PCDHA1: variants seen among roughly 807,000 people sequenced by gnomAD.
The protein encoded by PCDHA1 is protocadherin alpha-1.
PCDHA1 carries 42 observed loss-of-function variants against 61.3 expected under a neutral mutation model. The observed-to-expected ratio is 0.69, with a 90% CI of 0.54 to 0.89. The LOEUF (loss-of-function observed/expected upper bound fraction) is 0.89. PCDHA1 is among the 40% of genes least tolerant of loss of function. PCDHA1 has a pLI of 0.00. For synonymous variants in PCDHA1, 610 were observed against 553.8 expected, an observed-to-expected ratio of 1.10 and a Z score of -1.43; for missense variants, 1,256 against 1,235.3, an observed-to-expected ratio of 1.02 and a Z score of -0.25.
chr5:140,871,176 G>A (rs782559553), intron 1 of PCDHA1: 12 of 1,613,416 alleles, frequency 7.4e-6, no homozygotes, highest in Non-Finnish European at 1.0e-5. Flanking sequence ...CAGAGGCTGC[G>A]CTGGTGGATG....
Position 140,961,453 on chromosome 5 carries a change from C to A in PCDHA1, c.2395-17496C>A, listed in dbSNP as rs138800149. On this transcript the variant is annotated intron_variant, in intron 1 of 3. Transcript: ENST00000504120. ...AAAATCACCTAACTACACTGTCTTG[C>A]AGCTGCCTTTCTTTTTTTGTCTTGT... Among the ~76,000 whole-genome samples the A allele has an allele frequency of 2.6e-3, 401 of 152,318 alleles. 1 individual carries two copies. The highest frequency in any genetic ancestry group is 9.2e-3 in the African/African-American group (384 of 41,574).
At chr5:140,802,700 G>A in intron 1 of PCDHA1, 2 of 1,612,564 alleles carry the variant, frequency 1.2e-6, no homozygotes, top group Admixed American at 3.3e-5. Context: ...GGGTGGGGGA[G>A]CGCGCGCTGT....
intron 1 of PCDHA1, among the ~76,000 whole-genome samples, chr5:140,954,151 A>G (rs2094989173): frequency 6.6e-6 from 1 of 152,226 alleles, no homozygotes; most frequent in Admixed American, 6.5e-5. Context: ...TCCATGGTGT[A>G]TATGTACCAC....
chr5:140,895,841 C>T (rs1389575745), intron 1 of PCDHA1, among the ~76,000 whole-genome samples: 1 of 152,092 alleles, frequency 6.6e-6, no homozygotes, highest in Admixed American at 6.6e-5. Flanking sequence ...GACAAAGTCT[C>T]ACTCTTGTAC....
chr5:140,803,181 ACGGCCACTGTG>A (rs1763138545), intron 1 of PCDHA1: 1 of 1,613,782 alleles, frequency 6.2e-7, no homozygotes, highest in African/African-American at 1.3e-5. Context: ...ATTGACCGCC[ACGGCCACTGTG>A]CTGGTGTCGC....
intron 1 of PCDHA1, among the ~76,000 whole-genome samples, chr5:140,921,048 T>C (rs1554200052): frequency 6.6e-6 from 1 of 152,052 alleles, no homozygotes; most frequent in African/African-American, 2.4e-5. Context: ...GGGGCAATCA[T>C]AGCTCACTCT....
intron 1 of PCDHA1, among the ~76,000 whole-genome samples, chr5:140,794,247 G>T (rs146169772): frequency 1.6e-4 from 24 of 152,236 alleles, no homozygotes; most frequent in African/African-American, 5.1e-4. Flanking sequence ...ACCATCCACG[G>T]ATGCTTGAAT....
rs2098416866 is a variant in PCDHA1, at chr5:141,010,297, G to C, written c.*360G>C. 3 of 1,549,050 alleles carry C rather than the reference G, an allele frequency of 1.9e-6. No individual in the cohort carries two copies. The South Asian group carries it at 3.6e-5, about 19-fold the overall frequency. On this transcript the variant is annotated 3_prime_UTR_variant, in exon 4 of 4. Transcript: ENST00000504120. ...TGTCTTGATGACACTTGCAGGGCAGGCTGAAAAGTTTTGAGATTGAGCAGC... is the reference window on the plus strand; with the variant it reads ...TGTCTTGATGACACTTGCAGGGCAGCCTGAAAAGTTTTGAGATTGAGCAGC...
intron 1 of PCDHA1, chr5:140,927,285 G>T: frequency 1.9e-6 from 3 of 1,614,154 alleles, no homozygotes; most frequent in Non-Finnish European, 2.5e-6. Context: ...ACGTGCAGCT[G>T]CACATCCCCG....
At position 140,802,463 on chromosome 5, in the gene PCDHA1, G is replaced by T. The variant is rs781868454; in HGVS notation, c.2394+13779G>T. On this transcript the variant is annotated intron_variant, in intron 1 of 3. Transcript: ENST00000504120. The stretch of plus-strand genomic sequence containing the variant: ...ACCGCGAGAGCGTGTCGGCCTATGA[G>T]CTGGTGGTGACTGCTCGGGACGGGG... The T allele has an allele frequency of 1.9e-6, 3 of 1,614,092 alleles. No homozygotes were observed. The highest frequency in any genetic ancestry group is 2.5e-6 in the Non-Finnish European group (3 of 1,180,042).
Position 140,877,092 on chromosome 5 carries a change from C to T in PCDHA1, c.2394+88408C>T, listed in dbSNP as rs200462899. On this transcript the variant is annotated intron_variant, in intron 1 of 3. Coordinates refer to ENST00000504120, the MANE Select transcript of PCDHA1 (RefSeq NM_018900.4). ...AGTTCCAGGTGAGCGCGCGCGACGCCGGCGTGCCGCCTCTGGGCAGCAACG... is the reference window on the plus strand; with the variant it reads ...AGTTCCAGGTGAGCGCGCGCGACGCTGGCGTGCCGCCTCTGGGCAGCAACG... The T allele has an allele frequency of 2.9e-3, 4,637 of 1,613,220 alleles. 21 individuals carry two copies. Among genetic ancestry groups the T allele is most frequent in the African/African-American group, 0.01 (785 of 75,014 alleles).
intron 1 of PCDHA1, chr5:140,849,752 C>G (rs2041099569): frequency 3.1e-6 from 5 of 1,598,274 alleles, no homozygotes; most frequent in Admixed American, 3.4e-5. Context: ...AGAGTGTGTC[C>G]GCCTACGAGC....
Position 140,846,720 on chromosome 5 carries a change from C to A in PCDHA1, c.2394+58036C>A, listed in dbSNP as rs1311468002. 2.7e-5 allele frequency among the ~76,000 whole-genome samples: 4 copies of A among 149,248 alleles called. 1 individual carries two copies. The highest frequency in any genetic ancestry group is 9.8e-5 in the African/African-American group (4 of 40,682). ...AGAGAAGATTGTAATAACCAGTCTT[C>A]ATTAAACATTAAATAGGACCCTTAC... is the stretch of plus-strand genomic sequence containing the variant. On this transcript the variant is annotated intron_variant, in intron 1 of 3. Transcript: ENST00000504120.
intron 1 of PCDHA1, chr5:140,929,943 A>G (rs996777609): frequency 1.3e-5 from 2 of 152,224 alleles, no homozygotes; most frequent in African/African-American, 4.8e-5. Flanking sequence ...TCTCTAGCCT[A>G]TACTTTTAAT....
At chr5:140,897,547 C>T (rs1276931434) in intron 1 of PCDHA1, among the ~76,000 whole-genome samples, 3 of 152,076 alleles carry the variant, frequency 2.0e-5, no homozygotes, top group Non-Finnish European at 2.9e-5. Context: ...CATAGTCTTC[C>T]ATGGTGTATA....
At chr5:140,969,945 A>G (rs2096371634) in intron 1 of PCDHA1, among the ~76,000 whole-genome samples, 1 of 152,214 alleles carries the variant, frequency 6.6e-6, no homozygotes, top group South Asian at 2.1e-4. Flanking sequence ...TACTGAAGCT[A>G]AAGTTTGCTT....
At chr5:140,830,019 C>T (rs2150179652) in intron 1 of PCDHA1, 3 of 1,613,890 alleles carry the variant, frequency 1.9e-6, no homozygotes, top group Admixed American at 1.7e-5. Flanking sequence ...GCGGACTCTC[C>T]GCGCCACCGG....
At chr5:140,823,676 G>C in intron 1 of PCDHA1, 3 of 1,614,042 alleles carry the variant, frequency 1.9e-6, no homozygotes, top group Non-Finnish European at 2.5e-6. Flanking sequence ...AGCACAACAC[G>C]CTCTCTGGAT....
At chr5:140,835,811 T>C (rs2150245385) in intron 1 of PCDHA1, 22 of 1,612,912 alleles carry the variant, frequency 1.4e-5, no homozygotes, top group African/African-American at 1.1e-4. Flanking sequence ...ACATCTTCAC[T>C]GTGTCGGCGG....
Sources: gnomAD v4.1 joint callset for allele counts (sites outside exome capture counted in the v4.1 genomes callset) on GRCh38, gnomAD v4.1.1 for gene constraint, MANE v1.5 for transcripts, NCBI Gene and HGNC (gene_info 2026-07-23, HGNC 2026-07-21) for gene names.